RPS6KC1: variants seen among roughly 807,000 people sequenced by gnomAD.
The protein encoded by RPS6KC1 is inactive ribosomal protein S6 kinase delta-1.
RPS6KC1 carries 54 observed loss-of-function variants against 103.8 expected under a neutral mutation model. The observed-to-expected ratio is 0.52, with a 90% confidence interval of 0.42 to 0.65. The LOEUF is 0.65. RPS6KC1 is among the 30% of genes least tolerant of loss of function. RPS6KC1 has a pLI of 0.00. For missense variants in RPS6KC1, 1,151 were observed against 1,253.8 expected, an observed-to-expected ratio of 0.92 and a Z score of 1.24; for synonymous variants, 439 against 438.7, an observed-to-expected ratio of 1.00 and a Z score of -0.01.
the RPS6KC1 span, among the ~76,000 whole-genome samples, chr1:213,418,756 C>G: frequency 6.6e-6 from 1 of 152,154 alleles, no homozygotes; most frequent in African/African-American, 2.4e-5. Context: ...TCTGGCTGGC[C>G]GGGTCCTGTT....
At chr1:213,249,983 C>G (rs761301258) in intron 12 of RPS6KC1, among the ~76,000 whole-genome samples, 1 of 152,104 alleles carries the variant, frequency 6.6e-6, no homozygotes, top group Non-Finnish European at 1.5e-5. Context: ...AAATTCAGAG[C>G]TAGGTAGTGG....
the RPS6KC1 span, among the ~76,000 whole-genome samples, chr1:213,551,352 A>G: frequency 6.6e-6 from 1 of 152,126 alleles, no homozygotes; most frequent in Admixed American, 6.5e-5. Context: ...AAAAGGGGGA[A>G]GGAAAGTGCA....
At chr1:213,846,858 A>G in the RPS6KC1 span, among the ~76,000 whole-genome samples, 1 of 149,544 alleles carries the variant, frequency 6.7e-6, no homozygotes, top group African/African-American at 2.6e-5. Context: ...AATTTATCCA[A>G]TTTATAAGCT....
the RPS6KC1 span, among the ~76,000 whole-genome samples, chr1:213,806,071 G>C: frequency 6.6e-6 from 1 of 152,340 alleles, no homozygotes; most frequent in South Asian, 2.1e-4. Flanking sequence ...GGCGGCTCAT[G>C]CCTGTAATCC....
chr1:213,193,072 GT>G (rs748162824), intron 8 of RPS6KC1, among the ~76,000 whole-genome samples: 198 of 139,816 alleles, frequency 1.4e-3, no homozygotes, highest in Middle Eastern at 3.6e-3. Context: ...TATTATTCCA[GT>G]TTTTTTTTTT....
chr1:213,760,353 G>C, the RPS6KC1 span, among the ~76,000 whole-genome samples: 1 of 152,088 alleles, frequency 6.6e-6, no homozygotes, highest in Non-Finnish European at 1.5e-5. Flanking sequence ...GTAATGGTTG[G>C]GACACAATTA....
At chr1:213,370,841 G>A in the RPS6KC1 span, among the ~76,000 whole-genome samples, 1 of 152,124 alleles carries the variant, frequency 6.6e-6, no homozygotes, top group Non-Finnish European at 1.5e-5. Flanking sequence ...TGGGGTGGGG[G>A]ACAGGGCAGT....
chr1:213,066,996 C>T (rs544728049), intron 1 of RPS6KC1, among the ~76,000 whole-genome samples: 1 of 152,156 alleles, frequency 6.6e-6, no homozygotes, highest in Non-Finnish European at 1.5e-5. Context: ...ACCAGATTGC[C>T]TCATTTGGAG....
At chr1:213,428,315 T>G in the RPS6KC1 span, among the ~76,000 whole-genome samples, 2 of 152,186 alleles carry the variant, frequency 1.3e-5, no homozygotes, top group Non-Finnish European at 2.9e-5. Context: ...TTACTTACTT[T>G]AAGCAGAGCC....
chr1:213,290,429 A>G, the RPS6KC1 span, among the ~76,000 whole-genome samples: 448 of 152,264 alleles, frequency 2.9e-3, no homozygotes, highest in African/African-American at 0.01. Context: ...CTATATTTTT[A>G]AAAGGCGGGG....
chr1:213,608,099 C>G, the RPS6KC1 span, among the ~76,000 whole-genome samples: 586 of 152,286 alleles, frequency 3.8e-3, 5 homozygotes, highest in African/African-American at 0.013. Context: ...TGTCAACTCT[C>G]TGTTAAAAAT....
intron 6 of RPS6KC1, among the ~76,000 whole-genome samples, chr1:213,131,877 AT>A (rs1395071329): frequency 6.6e-5 from 10 of 152,138 alleles, no homozygotes; most frequent in Admixed American, 5.2e-4. Context: ...CTGCTCTGAC[AT>A]TTTTTCCATT....
At chr1:213,415,616 C>T in the RPS6KC1 span, among the ~76,000 whole-genome samples, 2 of 152,232 alleles carry the variant, frequency 1.3e-5, no homozygotes, top group African/African-American at 4.8e-5. Context: ...CCAGGGCTTC[C>T]TCCTGGGGTA....
At chr1:213,809,326 A>G in the RPS6KC1 span, among the ~76,000 whole-genome samples, 1 of 152,140 alleles carries the variant, frequency 6.6e-6, no homozygotes, top group Non-Finnish European at 1.5e-5. Context: ...GCCCCCCTCA[A>G]AATTACTATA....
the RPS6KC1 span, among the ~76,000 whole-genome samples, chr1:213,624,539 T>C: frequency 6.6e-6 from 1 of 152,118 alleles, no homozygotes; most frequent in Non-Finnish European, 1.5e-5. Flanking sequence ...ATGGAGAGCT[T>C]GTTGGAGGAG....
the RPS6KC1 span, among the ~76,000 whole-genome samples, chr1:213,376,942 A>G: frequency 6.6e-6 from 1 of 152,200 alleles, no homozygotes; most frequent in East Asian, 1.9e-4. Flanking sequence ...GGTCGGGGGG[A>G]CCTCAGCAAA....
At chr1:213,071,808 CT>C (rs1163870585) in intron 2 of RPS6KC1, among the ~76,000 whole-genome samples, 6 of 149,028 alleles carry the variant, frequency 4.0e-5, no homozygotes, top group Non-Finnish European at 5.9e-5. Flanking sequence ...ATAGATATTT[CT>C]TTTTTTTTAA....
the RPS6KC1 span, chr1:213,842,296 A>C: frequency 6.6e-6 from 1 of 152,164 alleles, no homozygotes; most frequent in Non-Finnish European, 1.5e-5. Context: ...AACCATCAAT[A>C]AATACATGAT....
At chr1:213,303,259 T>C in the RPS6KC1 span, among the ~76,000 whole-genome samples, 1 of 152,192 alleles carries the variant, frequency 6.6e-6, no homozygotes, top group African/African-American at 2.4e-5. Context: ...GATAAAGATG[T>C]CCTTGCTTTG....
Sources: gnomAD v4.1 joint callset for allele counts (sites outside exome capture counted in the v4.1 genomes callset) on GRCh38, gnomAD v4.1.1 for gene constraint, MANE v1.5 for transcripts, NCBI Gene and HGNC (gene_info 2026-07-23, HGNC 2026-07-21) for gene names.